Variants in VPS13C observed in about 807,000 individuals in gnomAD.
VPS13C encodes the protein intermembrane lipid transfer protein VPS13C.
A neutral mutation model predicts 456.8 loss-of-function variants in VPS13C; 358 were observed. The ratio of observed to expected loss-of-function variants is 0.78; its 90% CI spans 0.72 to 0.86. The LOEUF (loss-of-function observed/expected upper bound fraction) is 0.86. VPS13C is among the 40% of genes least tolerant of loss of function. VPS13C has a pLI of 0.00. For missense variants in VPS13C, 4,818 were observed against 4,385.4 expected (o/e 1.10, Z -2.79); for synonymous variants, 1,578 against 1,486.7 (o/e 1.06, Z -1.41).
chr15:61,862,614 C>T (rs1039596463), intron 82 of VPS13C, among the ~76,000 whole-genome samples: 2 of 152,088 alleles, frequency 1.3e-5, no homozygotes, highest in Admixed American at 1.3e-4. Flanking sequence ...TAAGTGATTA[C>T]TTGTCAAAGT....
intron 5 of VPS13C, 57 bp downstream of exon 5, chr15:62,033,384 T>A: frequency 8.7e-7 from 1 of 1,155,480 alleles, no homozygotes. Context: ...CTTTAAAGGA[T>A]ATTAATTATA....
chr15:61,963,216 A>G (rs949569232), intron 32 of VPS13C, among the ~76,000 whole-genome samples: 16 of 152,080 alleles, frequency 1.1e-4, no homozygotes, highest in African/African-American at 3.1e-4. Context: ...TGGAAAGGAC[A>G]AAGGAAAAAA....
chr15:62,001,538 C>CT (rs1260155626), intron 15 of VPS13C, among the ~76,000 whole-genome samples: 1 of 151,552 alleles, frequency 6.6e-6, no homozygotes, highest in African/African-American at 2.4e-5. Flanking sequence ...TATTAGTATA[C>CT]TTTAAGTTTT....
rs1440344920 is a variant in VPS13C at position 61,940,708 on chromosome 15, G to A, written c.5540C>T (p.Ala1847Val). ...NMLLSIQRNL[A>V]AAWYVQIPGM... is the part of the protein sequence containing the mutation. ...TGGAATTTGCACATACCATGCTGCTGCTAAGTTTCGCTGTATGGACAAAAG... is the reference window on the plus strand; with the variant it reads ...TGGAATTTGCACATACCATGCTGCTACTAAGTTTCGCTGTATGGACAAAAG... Residue 1847 changes from alanine (A) to valine (V), a missense_variant, in exon 47 of 85, where the codon GCA becomes GTA. Physicochemically the swap from Ala to Val is moderately conservative, Grantham distance 64. This residue lies in a region of VPS13C where 4,552 missense variants were observed against 4,130.6 expected (regional missense o/e 1.10). Transcript: ENST00000644861. The A allele has an allele frequency of 6.2e-7, 1 of 1,613,674 alleles. No homozygotes were observed. Among genetic ancestry groups the A allele is most frequent in the African/African-American group, 1.3e-5 (1 of 74,914 alleles).
chr15:61,954,824 T>C (rs1371185956), intron 37 of VPS13C, among the ~76,000 whole-genome samples: 2 of 152,168 alleles, frequency 1.3e-5, no homozygotes, highest in African/African-American at 2.4e-5. Flanking sequence ...GAACAAAGCG[T>C]GACACTGTTA....
intron 81 of VPS13C, among the ~76,000 whole-genome samples, chr15:61,868,421 C>G (rs1894748212): frequency 6.6e-6 from 1 of 152,012 alleles, no homozygotes; most frequent in South Asian, 2.1e-4. Flanking sequence ...TAGCCTATGA[C>G]TTAACATTAT....
chr15:61,972,621 A>T lies in VPS13C; in HGVS notation c.2757+4T>A, dbSNP rs750580342. ...TATCTATTTATAGACAAAAAAGCAC[A>T]TACTTCTTTAATTTCAAACTTGAGT... On this transcript the variant is annotated splice_donor_region_variant and intron_variant, in intron 27 of 84. Transcript: ENST00000644861. 2 of 1,612,266 alleles carry T rather than the reference A, an allele frequency of 1.2e-6. No individual in the cohort carries two copies. The highest frequency in any genetic ancestry group is 1.7e-6 in the Non-Finnish European group (2 of 1,179,422).
rs1193816437 is a variant in VPS13C, at chr15:61,868,409, T to A, written c.10863+250A>T. 3.3e-5 allele frequency among the ~76,000 whole-genome samples: 5 copies of A among 152,146 alleles called. No homozygotes were observed. The East Asian group carries it at 9.6e-4, about 29-fold the overall frequency. ...AAATGAGCTATCACAGAAATAGTGATATAGCCTATGACTTAACATTATCTT... is the reference window on the plus strand; with the variant it reads ...AAATGAGCTATCACAGAAATAGTGAAATAGCCTATGACTTAACATTATCTT... On this transcript the variant is annotated intron_variant, in intron 81 of 84. Coordinates refer to ENST00000644861, the MANE Select transcript of VPS13C (RefSeq NM_020821.3).
At chr15:61,963,983 T>C (rs1427866575) in intron 31 of VPS13C, 32 bp from the exon 32 acceptor site, 1 of 1,389,676 alleles carries the variant, frequency 7.2e-7, no homozygotes, top group Non-Finnish European at 1.0e-6. Context: ...TGTCACATGG[T>C]GAGATTCTAG....
chr15:61,871,571 T>A (rs1895035087), intron 79 of VPS13C, among the ~76,000 whole-genome samples: 1 of 32,970 alleles, frequency 3.0e-5, no homozygotes. Flanking sequence ...TTTCAAGACT[T>A]TTTTTTTGGC....
chr15:62,006,374 G>A (rs959329882), intron 15 of VPS13C, among the ~76,000 whole-genome samples: 20 of 152,080 alleles, frequency 1.3e-4, no homozygotes, highest in Admixed American at 3.9e-4. Context: ...TTGTCCTTGC[G>A]ATAGTTTGCT....
intron 1 of VPS13C, among the ~76,000 whole-genome samples, chr15:62,055,368 C>A (rs1037164599): frequency 6.6e-6 from 1 of 151,644 alleles, no homozygotes; most frequent in Non-Finnish European, 1.5e-5. Flanking sequence ...ACTGGGACTA[C>A]AGGCGCCTGC....
chr15:62,045,650 GATTATGTT>G, intron 1 of VPS13C, among the ~76,000 whole-genome samples: 1 of 152,044 alleles, frequency 6.6e-6, no homozygotes, highest in East Asian at 1.9e-4. Context: ...ATATAACAGA[GATTATGTT>G]ATTTTAGAAT....
At position 61,962,558 on chromosome 15, in the gene VPS13C, A is replaced by G. The variant is rs781728474; in HGVS notation, c.3436-20T>C. On this transcript the variant is annotated intron_variant, in intron 33 of 84. Transcript: ENST00000644861. Reference sequence around the variant, plus strand: ...CACAGCCTGAAAAACAGAGACTTGAATGTACTCTATCCGGGAAGGTAATGA... The same window carrying G: ...CACAGCCTGAAAAACAGAGACTTGAGTGTACTCTATCCGGGAAGGTAATGA... 4.1e-5 allele frequency: 65 copies of G among 1,601,820 alleles called. No individual in the cohort carries two copies. Among genetic ancestry groups the G allele is most frequent in the Non-Finnish European group, 5.1e-5 (60 of 1,173,310 alleles).
In VPS13C at chr15:61,890,372, G is replaced by A. The variant is rs1466243419; in HGVS notation, c.9134C>T (p.Ala3045Val). The change falls in exon 67 of 85, where the codon GCA becomes GTA. Residue 3045 changes from alanine (A) to valine (V), a missense_variant. Transcript: ENST00000644861. ...KDGCGQFPYD[A>V]NIQIHWVSFL... is the part of the protein sequence containing the mutation. ...TGATACCCAGTGTATCTGGATGTTT[G>A]CATCATATGGAAACTGTCCACATCC... 14 of 1,613,878 alleles carry A rather than the reference G, an allele frequency of 8.7e-6. 1 individual carries two copies. The East Asian group carries it at 3.1e-4, about 36-fold the overall frequency.
At chr15:61,952,130 G>T in intron 38 of VPS13C, 150 bp from the exon 39 acceptor site, 1 of 969,334 alleles carries the variant, frequency 1.0e-6, no homozygotes, top group South Asian at 2.3e-5. Context: ...AGTTTGGCAT[G>T]ATTCCCAGAA....
At position 62,010,434 on chromosome 15, in the gene VPS13C, A is replaced by G. The variant is rs781572417; in HGVS notation, c.1011+38T>C. 2.6e-6 allele frequency: 4 copies of G among 1,531,270 alleles called. No homozygotes were observed. The East Asian group carries it at 7.2e-5, about 27-fold the overall frequency. The allele number at this position is 1,531,270 out of a possible 1,614,324, so 94.9% of individuals were successfully genotyped here. On this transcript the variant is annotated intron_variant, in intron 13 of 84. Transcript: ENST00000644861. Reference sequence around the variant, plus strand: ...CACAAATAAAAGCAGTCAAGATTCAAGGCTAATCAAAGCTGGAAATATCCA... The same window carrying G: ...CACAAATAAAAGCAGTCAAGATTCAGGGCTAATCAAAGCTGGAAATATCCA...
At chr15:62,042,580 A>G (rs1459834536) in intron 2 of VPS13C, among the ~76,000 whole-genome samples, 1 of 152,120 alleles carries the variant, frequency 6.6e-6, no homozygotes, top group Non-Finnish European at 1.5e-5. Flanking sequence ...CCTGGAGGAC[A>G]GGAAAGATAA....
intron 82 of VPS13C, among the ~76,000 whole-genome samples, chr15:61,857,998 G>A (rs569676816): frequency 6.6e-6 from 1 of 152,218 alleles, no homozygotes; most frequent in East Asian, 1.9e-4. Context: ...TACAATCACT[G>A]TGGCAATCTC....
Sources: gnomAD v4.1 joint callset for allele counts (sites outside exome capture counted in the v4.1 genomes callset) on GRCh38, gnomAD v4.1.1 for gene constraint, gnomAD v4.1.1 regional missense constraint, MANE v1.5 for transcripts, NCBI Gene and HGNC (gene_info 2026-07-23, HGNC 2026-07-21) for gene names.